SYNRG: variants seen among roughly 807,000 people sequenced by gnomAD.
The protein encoded by SYNRG is AP1 gamma subunit binding protein 1.
Under a neutral mutation model 130.9 loss-of-function variants are expected in SYNRG, and 37 were observed. That is an observed-to-expected ratio of 0.28 (90% CI 0.22 to 0.37). SYNRG has a LOEUF of 0.37. Among genes scored for constraint, SYNRG ranks in the 10% least tolerant of loss-of-function variants. SYNRG has a pLI of 1.00. For missense variants in SYNRG, 1,338 were observed against 1,588.9 expected, an observed-to-expected ratio of 0.84 and a Z score of 2.68; for synonymous variants, 539 against 568.1, an observed-to-expected ratio of 0.95 and a Z score of 0.73.
Position 37,530,011 on chromosome 17 carries a change from A to ATG in SYNRG, c.3666+5966_3666+5967dup, listed in dbSNP as rs549747324. ...GTTACTCTACAGTCCTGGTATATATATGTACAAGAGCAATGTGCAGAAAAG... is the reference window on the plus strand; with the variant it reads ...GTTACTCTACAGTCCTGGTATATATATGTGTACAAGAGCAATGTGCAGAAAAG... On this transcript the variant is annotated intron_variant, in intron 19 of 21. Coordinates refer to ENST00000612223, the MANE Select transcript of SYNRG (RefSeq NM_007247.6). 1.2e-3 allele frequency among the ~76,000 whole-genome samples: 177 copies of ATG among 152,314 alleles called. 1 individual carries two copies. Among genetic ancestry groups the ATG allele is most frequent in the Middle Eastern group, 0.01 (3 of 294 alleles).
Position 37,520,302 on chromosome 17 carries a change from C to T in SYNRG, c.3778-88G>A, listed in dbSNP as rs1461360556. The T allele has an allele frequency of 3.3e-6, 5 of 1,529,260 alleles. No homozygotes were observed. In the South Asian group the frequency reaches 4.5e-5, roughly 14 times the overall value. 94.7% of individuals were successfully genotyped at this position (1,529,260 alleles called of 1,614,324 possible). A position where few individuals can be genotyped will look rare whatever the true frequency, so the allele number is the denominator to read the frequency against. Reference sequence around the variant, plus strand: ...CACATCTTTACAGGTTCACCCTTTTCCCCTGACCTCCCCACTATGCACAGG... The same window carrying T: ...CACATCTTTACAGGTTCACCCTTTTTCCCTGACCTCCCCACTATGCACAGG... On this transcript the variant is annotated intron_variant, in intron 20 of 21. Coordinates refer to ENST00000612223, the MANE Select transcript of SYNRG (RefSeq NM_007247.6).
At chr17:37,555,316 G>A (rs1329806177) in intron 13 of SYNRG, among the ~76,000 whole-genome samples, 3 of 152,018 alleles carry the variant, frequency 2.0e-5, no homozygotes, top group Non-Finnish European at 2.9e-5. Flanking sequence ...TAGTAGAGAC[G>A]GGGTTTCACC....
intron 14 of SYNRG, among the ~76,000 whole-genome samples, chr17:37,547,715 C>G (rs1298374531): frequency 6.6e-6 from 1 of 152,002 alleles, no homozygotes; most frequent in Non-Finnish European, 1.5e-5. Context: ...CGCCTGCCTT[C>G]GCCTCCCAAA....
At chr17:37,550,848 A>T (rs1050514245) in intron 14 of SYNRG, among the ~76,000 whole-genome samples, 3 of 152,200 alleles carry the variant, frequency 2.0e-5, no homozygotes, top group Non-Finnish European at 2.9e-5. Flanking sequence ...CAATAAAACC[A>T]TATGATTTTA....
intron 21 of SYNRG, among the ~76,000 whole-genome samples, 159 bp downstream of exon 21, chr17:37,520,020 C>T (rs1188666843): frequency 5.3e-5 from 8 of 152,126 alleles, no homozygotes; most frequent in Admixed American, 1.3e-4. Flanking sequence ...CACACAGACA[C>T]ATTAGGAGAC....
intron 6 of SYNRG, among the ~76,000 whole-genome samples, chr17:37,582,323 G>C (rs2061396991): frequency 6.6e-6 from 1 of 152,018 alleles, no homozygotes. Flanking sequence ...GTTTAAAAAA[G>C]AAAAAGCCCT....
At chr17:37,580,510 T>A (rs74610760) in intron 6 of SYNRG, among the ~76,000 whole-genome samples, 18,717 of 126,760 alleles carry the variant, frequency 0.15, 1,534 homozygotes, top group Admixed American at 0.23. Context: ...TGTGTGTGTG[T>A]GAGAGAGAGA....
intron 14 of SYNRG, among the ~76,000 whole-genome samples, chr17:37,546,957 G>C (rs769482518): frequency 3.9e-5 from 6 of 152,062 alleles, no homozygotes; most frequent in Non-Finnish European, 8.8e-5. Context: ...CTACCTATGA[G>C]ATCAGTCATA....
At chr17:37,591,500 C>T (rs2062185793) in intron 3 of SYNRG, among the ~76,000 whole-genome samples, 1 of 152,044 alleles carries the variant, frequency 6.6e-6, no homozygotes, top group African/African-American at 2.4e-5. Flanking sequence ...GACAGAGGAA[C>T]CAGAATAGTT....
chr17:37,536,081 T>C lies in SYNRG; in HGVS notation c.3564A>G (p.Ile1188Met), dbSNP rs1489708040. The C allele has an allele frequency of 6.2e-7, 1 of 1,614,092 alleles. No homozygotes were observed. Among genetic ancestry groups the C allele is most frequent in the Non-Finnish European group, 8.5e-7 (1 of 1,179,994 alleles). The change falls in exon 19 of 22, where the codon ATA (isoleucine) becomes ATG (methionine). Residue 1188 changes from isoleucine to methionine, a missense_variant. Physicochemically the swap from Ile to Met is conservative, Grantham distance 10. Around this residue, in one of 3 missense-constraint regions of SYNRG, gnomAD observed 1,146 missense variants for 1,342.3 expected, o/e 0.85. Transcript: ENST00000612223. ...TCTCACTGCACACTGCAGTGGCTTT[T>C]ATCCCCAGCTCCACACGCTTGGTTA... ...YRVTKRVELGIKATAVCSEKL... is the reference protein window; with the variant it reads ...YRVTKRVELGMKATAVCSEKL...
intron 19 of SYNRG, among the ~76,000 whole-genome samples, chr17:37,522,775 G>A (rs1049730091): frequency 1.3e-5 from 2 of 152,042 alleles, no homozygotes; most frequent in Admixed American, 6.6e-5. Context: ...CAAGTAGCTG[G>A]GACTATAGGC....
At chr17:37,601,214 C>A (rs1217775142) in intron 1 of SYNRG, among the ~76,000 whole-genome samples, 2 of 151,806 alleles carry the variant, frequency 1.3e-5, no homozygotes, top group Admixed American at 1.3e-4. Flanking sequence ...ATTACAGGCA[C>A]CCGCCACCAC....
At chr17:37,559,242 TTGTGA>T (rs1457367286) in intron 13 of SYNRG, among the ~76,000 whole-genome samples, 1 of 152,158 alleles carries the variant, frequency 6.6e-6, no homozygotes, top group Non-Finnish European at 1.5e-5. Context: ...TGTACCTGCT[TTGTGA>T]TATGTAGCAG....
chr17:37,549,918 A>G (rs1350780641), intron 14 of SYNRG, among the ~76,000 whole-genome samples: 2 of 152,114 alleles, frequency 1.3e-5, no homozygotes, highest in Non-Finnish European at 2.9e-5. Context: ...ACTCAAATCA[A>G]ATTCCATCCT....
At chr17:37,574,385 C>A (rs1230257427) in intron 8 of SYNRG, among the ~76,000 whole-genome samples, 1 of 152,050 alleles carries the variant, frequency 6.6e-6, no homozygotes, top group African/African-American at 2.4e-5. Context: ...TAAAGGCAAT[C>A]AAAGCAAAAA....
chr17:37,533,759 G>A (rs138840562), intron 19 of SYNRG, among the ~76,000 whole-genome samples: 16,839 of 149,230 alleles, frequency 0.11, 1,009 homozygotes, highest in Middle Eastern at 0.18. Flanking sequence ...AGCTAATTTT[G>A]TATTTTTAGT....
At chr17:37,579,337 T>C (rs1261753667) in intron 6 of SYNRG, 1 of 1,304,292 alleles carries the variant, frequency 7.7e-7, no homozygotes, top group Admixed American at 2.3e-5. Flanking sequence ...ATGGGGGAAC[T>C]TCAACAGGCC....
At chr17:37,594,772 T>C (rs369134797) in intron 3 of SYNRG, among the ~76,000 whole-genome samples, 2 of 152,152 alleles carry the variant, frequency 1.3e-5, no homozygotes, top group African/African-American at 4.8e-5. Context: ...TTGCTACCTT[T>C]ATTCTAAGAG....
Position 37,540,430 on chromosome 17 carries a change from C to T in SYNRG, c.3316G>A (p.Ala1106Thr), listed in dbSNP as rs764949975. Residue 1106 changes from alanine (A) to threonine (T), a missense_variant, in exon 16 of 22, where the codon GCC becomes ACC. This residue lies in a region of SYNRG where 1,146 missense variants were observed against 1,342.3 expected (regional missense o/e 0.85). Transcript: ENST00000612223. ...TACTTGTCTCGGATGACGGGCAGGG[C>T]GGGCTTCTCATTCAGAGTATTGGAA... ...DRSNTLNEKP[A>T]LPVIRDKYKD... 6.2e-6 allele frequency: 10 copies of T among 1,613,720 alleles called. No individual in the cohort carries two copies. Among genetic ancestry groups the T allele is most frequent in the African/African-American group, 2.7e-5 (2 of 74,858 alleles).
Sources: allele counts gnomAD v4.1 joint callset (sites outside exome capture counted in the v4.1 genomes callset), GRCh38; gene constraint gnomAD v4.1.1; regional missense constraint gnomAD v4.1.1; transcripts MANE v1.5; gene names NCBI Gene and HGNC (gene_info 2026-07-23, HGNC 2026-07-21).